CTNNA2: variants seen among roughly 807,000 people sequenced by gnomAD.
The protein encoded by CTNNA2 is catenin alpha 2.
In CTNNA2, 42 loss-of-function variants were observed where a neutral mutation model predicts 101.0. That is an observed-to-expected ratio of 0.42 (90% CI 0.32 to 0.54). The LOEUF (loss-of-function observed/expected upper bound fraction) is 0.54, where lower values mean the gene tolerates loss of function less well. CTNNA2 is among the 20% of genes least tolerant of loss of function. CTNNA2 has a pLI of 0.14. For synonymous variants in CTNNA2, 450 were observed against 456.4 expected (o/e 0.99, Z 0.18); for missense variants, 871 against 1,223.1 (o/e 0.71, Z 4.29).
At chr2:80,412,766 C>T (rs1679699044) in intron 8 of CTNNA2, among the ~76,000 whole-genome samples, 1 of 151,998 alleles carries the variant, frequency 6.6e-6, no homozygotes, top group African/African-American at 2.4e-5. Flanking sequence ...ATGGTCTTGA[C>T]ATCGATGACT....
chr2:80,578,813 A>G (rs1180183913), intron 13 of CTNNA2: 4 of 152,214 alleles, frequency 2.6e-5, no homozygotes, highest in South Asian at 2.1e-4. Flanking sequence ...CATTTATTTC[A>G]TTAGGTTTTT....
rs573808793 is a variant in CTNNA2 at position 80,048,669 on chromosome 2, A to G, written c.1056+138872A>G. ...TTGCTATCTTGTGAAGGAATCACACAATGCAAATTGACATTGGGGATAAAC... is the reference window on the plus strand; with the variant it reads ...TTGCTATCTTGTGAAGGAATCACACGATGCAAATTGACATTGGGGATAAAC... On this transcript the variant is annotated intron_variant, in intron 7 of 18. Coordinates refer to ENST00000402739, the MANE Select transcript of CTNNA2 (RefSeq NM_001282597.3). Among the ~76,000 whole-genome samples the G allele has an allele frequency of 4.0e-4, 61 of 152,332 alleles. 1 individual carries two copies. Among genetic ancestry groups the G allele is most frequent in the African/African-American group, 1.4e-3 (57 of 41,578 alleles).
chr2:79,607,886 T>C (rs1206578374), intron 1 of CTNNA2, among the ~76,000 whole-genome samples: 3 of 151,702 alleles, frequency 2.0e-5, no homozygotes, highest in East Asian at 3.9e-4. Context: ...AAACTAAATG[T>C]AAACAAAAGC....
chr2:79,568,059 T>A (rs1675223750), intron 1 of CTNNA2, among the ~76,000 whole-genome samples: 1 of 152,116 alleles, frequency 6.6e-6, no homozygotes, highest in Admixed American at 6.5e-5. Flanking sequence ...CACCATGGAT[T>A]GTAGGTTGGT....
intron 4 of CTNNA2, among the ~76,000 whole-genome samples, chr2:79,395,388 A>C (rs79951671): frequency 4.0e-5 from 6 of 148,926 alleles, no homozygotes; most frequent in African/African-American, 2.5e-5. Flanking sequence ...CTATCCTTCC[A>C]CCCTCCCCCC....
chr2:79,833,190 T>G (rs1679059161), intron 3 of CTNNA2, among the ~76,000 whole-genome samples: 1 of 152,176 alleles, frequency 6.6e-6, no homozygotes, highest in Non-Finnish European at 1.5e-5. Flanking sequence ...TGGAATCCAA[T>G]TCTGTGGATC....
At chr2:79,466,308 C>A (rs1558673390) in intron 4 of CTNNA2, among the ~76,000 whole-genome samples, 1 of 152,186 alleles carries the variant, frequency 6.6e-6, no homozygotes, top group Non-Finnish European at 1.5e-5. Context: ...GATCGAACTG[C>A]AAGGTGGCAG....
chr2:79,659,861 G>A, intron 2 of CTNNA2, among the ~76,000 whole-genome samples: 5 of 152,192 alleles, frequency 3.3e-5, no homozygotes, highest in Middle Eastern at 6.8e-3. Context: ...AGTTATCCAG[G>A]TGTGGTGGCA....
intron 9 of CTNNA2, among the ~76,000 whole-genome samples, chr2:80,448,768 G>A (rs138554317): frequency 1.6e-3 from 237 of 152,242 alleles, no homozygotes; most frequent in Middle Eastern, 3.4e-3. Flanking sequence ...TATCCCAGGA[G>A]CCTGTATGTT....
At chr2:80,209,279 G>T (rs984064348) in intron 7 of CTNNA2, among the ~76,000 whole-genome samples, 1 of 149,462 alleles carries the variant, frequency 6.7e-6, no homozygotes, top group Non-Finnish European at 1.5e-5. Flanking sequence ...CTGGCTCACT[G>T]CAACCTCCGC....
At chr2:80,003,047 C>A (rs1450825135) in intron 7 of CTNNA2, among the ~76,000 whole-genome samples, 1 of 152,056 alleles carries the variant, frequency 6.6e-6, no homozygotes, top group Admixed American at 6.5e-5. Context: ...GTTTTAAAAG[C>A]CTTACCTGGT....
intron 4 of CTNNA2, among the ~76,000 whole-genome samples, chr2:79,472,730 G>C (rs529932274): frequency 6.6e-6 from 1 of 152,004 alleles, no homozygotes; most frequent in Admixed American, 6.5e-5. Context: ...CACTTTTTGC[G>C]ATACAGATGG....
intron 7 of CTNNA2, among the ~76,000 whole-genome samples, chr2:80,106,268 G>A (rs1022984480): frequency 6.6e-6 from 1 of 152,162 alleles, no homozygotes; most frequent in Non-Finnish European, 1.5e-5. Flanking sequence ...GTTTGCCAAA[G>A]TTCATCTCCA....
At chr2:79,957,301 T>C (rs1348362933) in intron 7 of CTNNA2, among the ~76,000 whole-genome samples, 1 of 152,224 alleles carries the variant, frequency 6.6e-6, no homozygotes, top group African/African-American at 2.4e-5. Flanking sequence ...TGTCCTTCTC[T>C]TTGCCCTAGG....
In CTNNA2 at chr2:80,512,149, C is replaced by CAA. The variant is rs59359924; in HGVS notation, c.1291-32808_1291-32807dup. On this transcript the variant is annotated intron_variant, in intron 9 of 18. Coordinates refer to ENST00000402739, the MANE Select transcript of CTNNA2 (RefSeq NM_001282597.3). ...TGGGCAACAGAGCAACACTCTGTCT[C>CAA]AAAAAAAAAAAAAAAAAAAAAAAAA... Among the ~76,000 whole-genome samples the CAA allele has an allele frequency of 1.3e-3, 93 of 73,456 alleles. 2 individuals carry two copies. Among genetic ancestry groups the CAA allele is most frequent in the East Asian group, 2.1e-3 (3 of 1,416 alleles). The allele number at this position is 73,456 out of a possible 152,430, so 48.2% of individuals were successfully genotyped here.
intron 12 of CTNNA2, among the ~76,000 whole-genome samples, chr2:80,556,280 G>A (rs1693020149): frequency 1.3e-5 from 2 of 152,288 alleles, no homozygotes; most frequent in South Asian, 4.1e-4. Context: ...GTGCAGATGT[G>A]ATAAGAACTT....
At chr2:79,630,816 C>A (rs1434126229) in intron 1 of CTNNA2, among the ~76,000 whole-genome samples, 1 of 150,998 alleles carries the variant, frequency 6.6e-6, no homozygotes, top group Non-Finnish European at 1.5e-5. Context: ...TATGGGTGGG[C>A]CTACAAATTA....
At chr2:79,859,771 A>G (rs1574152727) in intron 4 of CTNNA2, among the ~76,000 whole-genome samples, 2 of 152,148 alleles carry the variant, frequency 1.3e-5, no homozygotes, top group African/African-American at 2.4e-5. Flanking sequence ...GTACAGTACT[A>G]TAATTAACCA....
intron 3 of CTNNA2, among the ~76,000 whole-genome samples, chr2:79,333,558 TC>T (rs1249693826): frequency 6.6e-6 from 1 of 152,164 alleles, no homozygotes; most frequent in Non-Finnish European, 1.5e-5. Context: ...AAGCTGTGTA[TC>T]CAGCCAACAT....
Sources: gnomAD v4.1 joint callset for allele counts (sites outside exome capture counted in the v4.1 genomes callset) on GRCh38, gnomAD v4.1.1 for gene constraint, MANE v1.5 for transcripts, NCBI Gene and HGNC (gene_info 2026-07-23, HGNC 2026-07-21) for gene names.